The following TMEM178B variants were observed in gnomAD, a reference collection of about 807,000 sequenced individuals.
The protein encoded by TMEM178B is transmembrane protein 178B.
A neutral mutation model predicts 31.0 loss-of-function variants in TMEM178B; 5 were observed. That is an observed-to-expected ratio of 0.16 (90% CI 0.08 to 0.34). The LOEUF (loss-of-function observed/expected upper bound fraction) is 0.34. Among genes scored for constraint, TMEM178B ranks in the 10% least tolerant of loss-of-function variants. The pLI, the probability that TMEM178B is intolerant of heterozygous loss-of-function variation, is 1.00. For missense variants in TMEM178B, 275 were observed against 400.3 expected, an observed-to-expected ratio of 0.69 and a Z score of 2.67; for synonymous variants, 164 against 164.0, an observed-to-expected ratio of 1.00 and a Z score of 0.00.
intron 1 of TMEM178B, among the ~76,000 whole-genome samples, chr7:141,076,781 A>G (rs950485670): frequency 2.6e-5 from 4 of 152,222 alleles, no homozygotes; most frequent in Non-Finnish European, 5.9e-5. Flanking sequence ...TAGAGTTGGC[A>G]GGGCATTGTA....
At chr7:141,107,067 G>T (rs1795159369) in intron 1 of TMEM178B, among the ~76,000 whole-genome samples, 1 of 152,180 alleles carries the variant, frequency 6.6e-6, no homozygotes, top group Admixed American at 6.6e-5. Flanking sequence ...GACATTGAGG[G>T]AGATACAGGA....
intron 2 of TMEM178B, among the ~76,000 whole-genome samples, chr7:141,246,916 A>G (rs1041497113): frequency 6.6e-6 from 1 of 152,124 alleles, no homozygotes; most frequent in African/African-American, 2.4e-5. Context: ...TTCCTTCTTT[A>G]AAGAGCTTAT....
Position 141,470,593 on chromosome 7 carries a change from C to T in TMEM178B, c.692C>T (p.Ser231Leu). 1 of 1,535,178 alleles carries T rather than the reference C, an allele frequency of 6.5e-7. No homozygotes were observed. The highest frequency in any genetic ancestry group is 8.7e-7 in the Non-Finnish European group (1 of 1,146,574). ...TCVAGINFELSRYPRYLYGLP... is the reference protein window; with the variant it reads ...TCVAGINFELLRYPRYLYGLP... ...GTGGCCGGGATCAACTTTGAGCTGT[C>T]ACGCTACCCACGCTACCTGTACGGA... is the stretch of plus-strand genomic sequence containing the variant. The change falls in exon 4 of 4, where the codon TCA becomes TTA. Residue 231 changes from serine to leucine, a missense_variant. Coordinates refer to ENST00000565468, the MANE Select transcript of TMEM178B (RefSeq NM_001195278.2).
At chr7:141,419,608 C>T (rs768461525) in intron 2 of TMEM178B, among the ~76,000 whole-genome samples, 1 of 152,198 alleles carries the variant, frequency 6.6e-6, no homozygotes, top group Non-Finnish European at 1.5e-5. Context: ...TTCTCCCCAG[C>T]TTAGACTCCT....
At chr7:141,262,477 A>ATATATATATATATATATC (rs1195134147) in intron 2 of TMEM178B, among the ~76,000 whole-genome samples, 1 of 8,106 alleles carries the variant, frequency 1.2e-4, no homozygotes, top group African/African-American at 1.7e-4. Context: ...TACATATAAT[A>ATATATATATATATATATC]TATATATATA....
downstream of TMEM178B, chr7:141,480,388 G>A (rs528943009): frequency 6.6e-6 from 1 of 152,364 alleles, no homozygotes; most frequent in East Asian, 1.9e-4. Flanking sequence ...AAAGGATTGT[G>A]TCTGCTTAGG....
chr7:141,205,558 C>T (rs570895227), intron 1 of TMEM178B, among the ~76,000 whole-genome samples: 1 of 152,286 alleles, frequency 6.6e-6, no homozygotes, highest in African/African-American at 2.4e-5. Flanking sequence ...GATCTCAGCC[C>T]TTCAGACTTA....
At chr7:141,320,441 C>T (rs977078105) in intron 2 of TMEM178B, among the ~76,000 whole-genome samples, 1 of 152,122 alleles carries the variant, frequency 6.6e-6, no homozygotes, top group Non-Finnish European at 1.5e-5. Context: ...GAGGTGACCT[C>T]TGGGGAAGCA....
At chr7:141,243,455 G>A (rs1171564924) in intron 2 of TMEM178B, among the ~76,000 whole-genome samples, 1 of 152,128 alleles carries the variant, frequency 6.6e-6, no homozygotes, top group Non-Finnish European at 1.5e-5. Flanking sequence ...AACCAAGGAT[G>A]TGAGATGCTG....
chr7:141,501,033 G>A, the TMEM178B span, among the ~76,000 whole-genome samples: 1 of 152,058 alleles, frequency 6.6e-6, no homozygotes, highest in African/African-American at 2.4e-5. Context: ...GAGAAAGAAT[G>A]GAAGACAACT....
chr7:141,223,270 A>G (rs939989309), intron 2 of TMEM178B, among the ~76,000 whole-genome samples: 3 of 152,070 alleles, frequency 2.0e-5, no homozygotes, highest in Non-Finnish European at 4.4e-5. Context: ...TGACATTACT[A>G]TACTGTATTA....
intron 1 of TMEM178B, among the ~76,000 whole-genome samples, chr7:141,142,073 C>T (rs555293491): frequency 6.6e-6 from 1 of 152,294 alleles, no homozygotes; most frequent in African/African-American, 2.4e-5. Context: ...ACCCTGTCTC[C>T]AATGTCTATT....
intron 2 of TMEM178B, chr7:141,430,173 T>C (rs1452833870): frequency 6.6e-6 from 1 of 152,244 alleles, no homozygotes; most frequent in Non-Finnish European, 1.5e-5. Flanking sequence ...AGTAATGCCT[T>C]CACCTTGGCC....
At chr7:141,189,832 T>C (rs1796668757) in intron 1 of TMEM178B, among the ~76,000 whole-genome samples, 1 of 152,036 alleles carries the variant, frequency 6.6e-6, no homozygotes, top group Non-Finnish European at 1.5e-5. Flanking sequence ...AACTGGATGG[T>C]CTCGACCAAG....
intron 1 of TMEM178B, among the ~76,000 whole-genome samples, chr7:141,075,931 A>T (rs1233062150): frequency 1.3e-5 from 2 of 152,222 alleles, no homozygotes; most frequent in Non-Finnish European, 2.9e-5. Flanking sequence ...AAAAAAGTCA[A>T]GTGTTTAAGA....
At position 141,400,172 on chromosome 7, in the gene TMEM178B, T is replaced by C. The variant is rs1371353865; in HGVS notation, c.497-37436T>C. 2.0e-5 allele frequency among the ~76,000 whole-genome samples: 3 copies of C among 152,258 alleles called. No individual in the cohort carries two copies. The East Asian group carries it at 5.8e-4, about 29-fold the overall frequency. On this transcript the variant is annotated intron_variant, in intron 2 of 3. Coordinates refer to ENST00000565468, the MANE Select transcript of TMEM178B (RefSeq NM_001195278.2). ...GAAGGCCACCCCTCTATACTGGGAG[T>C]TCTAAAGTTTTGGACCAAGCTTAGC...
the TMEM178B span, among the ~76,000 whole-genome samples, chr7:141,488,484 G>C: frequency 1.3e-5 from 2 of 151,608 alleles, no homozygotes; most frequent in Non-Finnish European, 2.9e-5. Context: ...TCTGTCACCA[G>C]ACTGGAGTGC....
chr7:141,123,507 G>C (rs1328745182), intron 1 of TMEM178B, among the ~76,000 whole-genome samples: 2 of 152,222 alleles, frequency 1.3e-5, no homozygotes, highest in African/African-American at 4.8e-5. Flanking sequence ...GATGGCAGCT[G>C]TTAGTGGCTG....
chr7:141,312,705 C>T (rs920508857), intron 2 of TMEM178B, among the ~76,000 whole-genome samples: 1 of 152,182 alleles, frequency 6.6e-6, no homozygotes, highest in Non-Finnish European at 1.5e-5. Context: ...GAAGATGCAC[C>T]TGCAGATCAT....
Sources: gnomAD v4.1 joint callset for allele counts (sites outside exome capture counted in the v4.1 genomes callset) on GRCh38, gnomAD v4.1.1 for gene constraint, MANE v1.5 for transcripts, NCBI Gene and HGNC (gene_info 2026-07-23, HGNC 2026-07-21) for gene names.